SLC4A1: variants seen among roughly 807,000 people sequenced by gnomAD.
The protein encoded by SLC4A1 is band 3 anion transport protein.
In SLC4A1, 29 loss-of-function variants were observed where a neutral mutation model predicts 93.1. The ratio of observed to expected loss-of-function variants is 0.31; its 90% CI spans 0.23 to 0.42. The LOEUF (loss-of-function observed/expected upper bound fraction) is 0.42. Ranked by LOEUF, SLC4A1 falls within the 20% of genes least tolerant of loss-of-function variation. The probability of loss-of-function intolerance (pLI) is 1.00; values close to 1 mark genes in which losing one functional copy is unlikely to be tolerated. For missense variants in SLC4A1, 965 were observed against 1,190.1 expected, an observed-to-expected ratio of 0.81 and a Z score of 2.78; for synonymous variants, 469 against 497.2, an observed-to-expected ratio of 0.94 and a Z score of 0.76.
rs751216460 is a variant in SLC4A1, at chr17:44,261,588, G to A, written c.155C>T (p.Pro52Leu). 8 of 1,614,036 alleles carry A rather than the reference G, an allele frequency of 5.0e-6. No homozygotes were observed. The highest frequency in any genetic ancestry group is 6.8e-6 in the Non-Finnish European group (8 of 1,180,004). The change falls in exon 4 of 20, where the codon CCG becomes CTG. Residue 52 changes from proline to leucine, a missense_variant. Coordinates refer to ENST00000262418, the MANE Select transcript of SLC4A1 (RefSeq NM_000342.4). ...TATDYHTTSH[P>L]GTHKVYVELQ... ...TGGGGTCCTCACCTTGTGGGTACCC[G>A]GGTGTGATGTGGTGTGGTAGTCTGT...
At position 44,253,150 on chromosome 17, in the gene SLC4A1, C is replaced by T. The variant is rs121912755; in HGVS notation, c.2279G>A (p.Arg760Gln). The T allele has an allele frequency of 1.2e-6, 2 of 1,613,316 alleles. No individual in the cohort carries two copies. The highest frequency in any genetic ancestry group is 1.1e-5 in the South Asian group (1 of 91,086). Residue 760 changes from arginine (R) to glutamine (Q), a missense_variant, in exon 17 of 20, where the codon CGG becomes CAG. Physicochemically the swap from Arg to Gln is conservative, Grantham distance 43. This residue lies in a region of SLC4A1 where 770 missense variants were observed against 1,006.6 expected (regional missense o/e 0.76). Coordinates refer to ENST00000262418, the MANE Select transcript of SLC4A1 (RefSeq NM_000342.4). Reference sequence around the variant, plus strand: ...CACAGCGACCAGGAGTCCACTGATCCGCTGCTCTTTGACCTCCTGGATCTG... The same window carrying T: ...CACAGCGACCAGGAGTCCACTGATCTGCTGCTCTTTGACCTCCTGGATCTG... ...AAQIQEVKEQRISGLLVAVLV... is the reference protein window; with the variant it reads ...AAQIQEVKEQQISGLLVAVLV...
intron 1 of SLC4A1, among the ~76,000 whole-genome samples, chr17:44,263,140 C>A (rs141805339): frequency 2.4e-4 from 36 of 152,118 alleles, no homozygotes; most frequent in Non-Finnish European, 7.4e-5. Context: ...AGGGGCAGTG[C>A]AGGGAAGAGG....
rs1161075555 is a variant in SLC4A1 at position 44,259,881 on chromosome 17, T to C, written c.537A>G (p.Thr179=). The C allele has an allele frequency of 1.9e-6, 3 of 1,614,026 alleles. No individual in the cohort carries two copies. Among genetic ancestry groups the C allele is most frequent in the Non-Finnish European group, 2.5e-6 (3 of 1,180,010 alleles). The change falls in exon 7 of 20, where the codon ACA becomes ACG. Residue 179 remains threonine (T), a synonymous_variant. Coordinates refer to ENST00000262418, the MANE Select transcript of SLC4A1 (RefSeq NM_000342.4). ...GAGGCTGTGAAGGATCCCCAGAGCG[T>C]GTCAGGACTGCAGGCTTCACACCCC... ...ALGGVKPAVL[T]RSGDPSQPLL...
intron 1 of SLC4A1, among the ~76,000 whole-genome samples, chr17:44,263,232 A>G (rs911609662): frequency 6.6e-6 from 1 of 152,024 alleles, no homozygotes; most frequent in Admixed American, 6.6e-5. Flanking sequence ...TTCATTCTCT[A>G]GTCTTCACCT....
rs762128423 is a variant in SLC4A1 at position 44,258,418 on chromosome 17, C to T, written c.1082G>A (p.Gly361Asp). 6.2e-7 allele frequency: 1 copy of T among 1,613,806 alleles called. No homozygotes were observed. Among genetic ancestry groups the T allele is most frequent in the East Asian group, 2.2e-5 (1 of 44,902 alleles). ...PAKPDSSFYK[G>D]LDLNGGPDDP... Reference sequence around the variant, plus strand: ...CAGCTGGGAAGGGCAGGTACCTAGGCCCTTGTAGAAGCTGGAGTCTGGCTT... The same window carrying T: ...CAGCTGGGAAGGGCAGGTACCTAGGTCCTTGTAGAAGCTGGAGTCTGGCTT... The change falls in exon 10 of 20, where the codon GGC (glycine) becomes GAC (aspartate). Residue 361 changes from glycine (G) to aspartate (D), a missense_variant. Physicochemically the swap from Gly to Asp is moderately conservative, Grantham distance 94. Coordinates refer to ENST00000262418, the MANE Select transcript of SLC4A1 (RefSeq NM_000342.4). This position sits in a 1 kb window ranked among gnomAD's most constrained non-coding sequence, Gnocchi z 6.1.
At chr17:44,259,630 G>T (rs1203926661) in intron 7 of SLC4A1, 49 bp from the exon 8 acceptor site, 1 of 1,537,124 alleles carries the variant, frequency 6.5e-7, no homozygotes, top group African/African-American at 1.4e-5. Context: ...GTCTGACCTG[G>T]GAGACCTGAG....
chr17:44,262,042 C>G (rs539964519), intron 3 of SLC4A1: 4 of 1,173,620 alleles, frequency 3.4e-6, no homozygotes, highest in Middle Eastern at 3.9e-4. Flanking sequence ...TCAATGAGCC[C>G]GTCAGCACAG....
chr17:44,266,071 T>TA (rs2047493715), intron 1 of SLC4A1, among the ~76,000 whole-genome samples: 1 of 151,848 alleles, frequency 6.6e-6, no homozygotes, highest in Non-Finnish European at 1.5e-5. Context: ...GGGAGGGGAT[T>TA]ACTGGATCTC....
Position 44,255,135 on chromosome 17 carries a change from A to G in SLC4A1, c.1890+72T>C, listed in dbSNP as rs868327994. 4.5e-5 allele frequency: 45 copies of G among 1,002,166 alleles called. 1 individual carries two copies. The South Asian group carries it at 4.5e-4, about 10-fold the overall frequency. 62.1% of individuals were successfully genotyped at this position (1,002,166 alleles called of 1,614,324 possible). A position where few individuals can be genotyped will look rare whatever the true frequency, so the allele number is the denominator to read the frequency against. On this transcript the variant is annotated intron_variant, in intron 15 of 19. Coordinates refer to ENST00000262418, the MANE Select transcript of SLC4A1 (RefSeq NM_000342.4). The stretch of plus-strand genomic sequence containing the variant: ...CAGGTTGGGGAAAGCTATTCTAGGG[A>G]AGGGGCATGCTGGGGGGTGGAAATG...
intron 1 of SLC4A1, among the ~76,000 whole-genome samples, chr17:44,267,850 C>T (rs907235804): frequency 2.0e-5 from 3 of 152,164 alleles, no homozygotes; most frequent in Admixed American, 2.0e-4. Context: ...CATTGACCAC[C>T]TGCCACCCTC....
chr17:44,253,667 AT>A (rs1031180777), intron 16 of SLC4A1, among the ~76,000 whole-genome samples: 153 of 150,912 alleles, frequency 1.0e-3, no homozygotes, highest in African/African-American at 3.5e-3. Flanking sequence ...GTCATTTTGC[AT>A]TTTTTTTTCT....
intron 3 of SLC4A1, chr17:44,262,137 C>T: frequency 1.2e-6 from 1 of 841,138 alleles, no homozygotes; most frequent in African/African-American, 2.1e-5. Context: ...CCAAGAGGGG[C>T]CTCTTAACTT....
chr17:44,255,562 T>C (rs1188602094), intron 14 of SLC4A1, 111 bp downstream of exon 14: 1 of 1,181,308 alleles, frequency 8.5e-7, no homozygotes. Context: ...GAATTGGGAA[T>C]GGGAATCTGA....
Position 44,255,248 on chromosome 17 carries a change from T to A in SLC4A1, c.1849A>T (p.Met617Leu). 1 of 1,557,652 alleles carries A rather than the reference T, an allele frequency of 6.4e-7. No individual in the cohort carries two copies. Among genetic ancestry groups the A allele is most frequent in the Non-Finnish European group, 8.7e-7 (1 of 1,150,196 alleles). ...DFGVPISILI[M>L]VLVDFFIQDT... ...TGAATGAAGAAATCCACCAGGACCA[T>A]GATCAGGATGGAGATGGGGACCCCG... Residue 617 changes from methionine to leucine, a missense_variant, in exon 15 of 20, where the codon ATG (methionine) becomes TTG (leucine). Coordinates refer to ENST00000262418, the MANE Select transcript of SLC4A1 (RefSeq NM_000342.4).
chr17:44,255,724 G>T lies in SLC4A1; in HGVS notation c.1749C>A (p.Phe583Leu). Residue 583 changes from phenylalanine (F) to leucine (L), a missense_variant, in exon 14 of 20, where the codon TTC (phenylalanine) becomes TTA (leucine). Around this residue, in one of 2 missense-constraint regions of SLC4A1, gnomAD observed 770 missense variants for 1,006.6 expected, o/e 0.76. Transcript: ENST00000262418. Reference sequence around the variant, plus strand: ...TGAACTTGCGCAGCATCATGGCAAAGAAGAAGGTACCGGCCATGAGCACAA... The same window carrying T: ...TGAACTTGCGCAGCATCATGGCAAATAAGAAGGTACCGGCCATGAGCACAA... ...LSLVLMAGTF[F>L]FAMMLRKFKN... 1 of 1,614,146 alleles carries T rather than the reference G, an allele frequency of 6.2e-7. No individual in the cohort carries two copies. Among genetic ancestry groups the T allele is most frequent in the South Asian group, 1.1e-5 (1 of 91,078 alleles).
chr17:44,258,798 G>A lies in SLC4A1; in HGVS notation c.877-175C>T, dbSNP rs2047414213. ...TCTCCCCACTAAGAAAGAGCTCTGG[G>A]GAGACAGACGGGGGCCCTGGGTGGG... On this transcript the variant is annotated intron_variant, in intron 9 of 19. Coordinates refer to ENST00000262418, the MANE Select transcript of SLC4A1 (RefSeq NM_000342.4). The surrounding 1 kb of genome is among the most constrained non-coding windows in gnomAD (Gnocchi z 6.1). Among the ~76,000 whole-genome samples, 1 of 152,116 alleles carries A rather than the reference G, an allele frequency of 6.6e-6. No individual in the cohort carries two copies. Among genetic ancestry groups the A allele is most frequent in the Non-Finnish European group, 1.5e-5 (1 of 68,006 alleles).
In SLC4A1 at chr17:44,251,149, AG is replaced by A; in HGVS notation, c.2655+9del. ...CAGCTCTTGTGCCCCAGGCCCAGGC[AG>A]CCACTCACACACTGAAGCTCCACGT... On this transcript the variant is annotated intron_variant, in intron 19 of 19. Transcript: ENST00000262418. 4 of 1,589,498 alleles carry A rather than the reference AG, an allele frequency of 2.5e-6. No individual in the cohort carries two copies. The highest frequency in any genetic ancestry group is 3.4e-6 in the Non-Finnish European group (4 of 1,168,180).
In SLC4A1 at chr17:44,253,131, G is replaced by A. The variant is rs767295098; in HGVS notation, c.2298C>T (p.Val766=). The change falls in exon 17 of 20, where the codon GTC becomes GTT. Residue 766 remains valine, a synonymous_variant. Transcript: ENST00000262418. ...VKEQRISGLL[V]AVLVGLSILM... is the part of the protein sequence containing the mutation. ...GCTTTCACTCACCCACAAGCACAGC[G>A]ACCAGGAGTCCACTGATCCGCTGCT... 12 of 1,612,038 alleles carry A rather than the reference G, an allele frequency of 7.4e-6. No individual in the cohort carries two copies. Among genetic ancestry groups the A allele is most frequent in the African/African-American group, 2.7e-5 (2 of 74,940 alleles).
intron 17 of SLC4A1, among the ~76,000 whole-genome samples, chr17:44,252,692 C>T (rs1219819203): frequency 2.0e-5 from 3 of 152,180 alleles, no homozygotes; most frequent in East Asian, 3.9e-4. Context: ...GCTAGAGCAC[C>T]GCCCCTTGTA....
Sources: allele counts gnomAD v4.1 joint callset (sites outside exome capture counted in the v4.1 genomes callset), GRCh38; gene constraint gnomAD v4.1.1; regional missense constraint gnomAD v4.1.1; non-coding constraint Gnocchi (gnomAD v3.1); transcripts MANE v1.5; gene names NCBI Gene and HGNC (gene_info 2026-07-23, HGNC 2026-07-21).